Variants in SLC9A4 observed in about 807,000 individuals in gnomAD.
SLC9A4 encodes sodium/hydrogen exchanger 4.
In SLC9A4, 63 loss-of-function variants were observed where a neutral mutation model predicts 67.4. The ratio of observed to expected loss-of-function variants is 0.93; its 90% CI spans 0.76 to 1.15. SLC9A4 has a LOEUF of 1.15. Ranked by LOEUF, SLC9A4 falls within the 50% of genes most tolerant of loss-of-function variation. The pLI, the probability that SLC9A4 is intolerant of heterozygous loss-of-function variation, is 0.00. For synonymous variants in SLC9A4, 393 were observed against 367.2 expected, an observed-to-expected ratio of 1.07 and a Z score of -0.80; for missense variants, 1,089 against 987.7, an observed-to-expected ratio of 1.10 and a Z score of -1.38.
At chr2:102,488,190 AC>A (rs899050087) in intron 2 of SLC9A4, among the ~76,000 whole-genome samples, 1 of 151,566 alleles carries the variant, frequency 6.6e-6, no homozygotes, top group African/African-American at 2.4e-5. Flanking sequence ...CCCCAACAAC[AC>A]CCGTTCATGC....
At chr2:102,512,065 C>A in intron 6 of SLC9A4, 138 bp from the exon 7 acceptor site, 1 of 814,606 alleles carries the variant, frequency 1.2e-6, no homozygotes, top group Non-Finnish European at 2.0e-6. Flanking sequence ...TATTTTATTA[C>A]ATGAACACAG....
At chr2:102,507,005 G>T (rs748633854) in intron 4 of SLC9A4, among the ~76,000 whole-genome samples, 1 of 152,058 alleles carries the variant, frequency 6.6e-6, no homozygotes, top group African/African-American at 2.4e-5. Flanking sequence ...GTTCACACTC[G>T]CGAAGGCTTG....
intron 8 of SLC9A4, among the ~76,000 whole-genome samples, chr2:102,519,116 T>C (rs1685340178): frequency 6.6e-6 from 1 of 152,228 alleles, no homozygotes; most frequent in Non-Finnish European, 1.5e-5. Context: ...CAATTGTGCA[T>C]TGACTACTAA....
intron 1 of SLC9A4, among the ~76,000 whole-genome samples, chr2:102,474,301 C>T (rs1684282517): frequency 6.6e-6 from 1 of 152,132 alleles, no homozygotes; most frequent in Admixed American, 6.6e-5. Flanking sequence ...ATGCAAAACT[C>T]TCAAATTCTA....
chr2:102,500,050 C>T (rs1446687018), intron 2 of SLC9A4, among the ~76,000 whole-genome samples: 1 of 152,176 alleles, frequency 6.6e-6, no homozygotes, highest in Non-Finnish European at 1.5e-5. Flanking sequence ...CCTGGAACTG[C>T]AGGATAGGAT....
At chr2:102,488,850 A>G (rs533717618) in intron 2 of SLC9A4, among the ~76,000 whole-genome samples, 15 of 152,270 alleles carry the variant, frequency 9.9e-5, no homozygotes, top group African/African-American at 3.6e-4. Context: ...CCAGGCCTGA[A>G]ATCTAATTCC....
At chr2:102,513,634 T>A (rs1685213144) in intron 7 of SLC9A4, among the ~76,000 whole-genome samples, 2 of 152,254 alleles carry the variant, frequency 1.3e-5, no homozygotes, top group Non-Finnish European at 1.5e-5. Context: ...CTACTGTAAC[T>A]ACCGGGCCAT....
intron 2 of SLC9A4, among the ~76,000 whole-genome samples, chr2:102,488,191 C>T (rs1684626441): frequency 6.6e-6 from 1 of 152,168 alleles, no homozygotes; most frequent in Non-Finnish European, 1.5e-5. Flanking sequence ...CCCAACAACA[C>T]CCGTTCATGC....
intron 2 of SLC9A4, among the ~76,000 whole-genome samples, chr2:102,493,583 C>T (rs1012837969): frequency 6.6e-6 from 1 of 151,854 alleles, no homozygotes; most frequent in Non-Finnish European, 1.5e-5. Flanking sequence ...TACCTCCCAC[C>T]ATGTCACTCC....
intron 9 of SLC9A4, 38 bp downstream of exon 9, chr2:102,519,993 C>A: frequency 6.4e-7 from 1 of 1,567,158 alleles, no homozygotes; most frequent in South Asian, 1.1e-5. Flanking sequence ...CATTTTCTGT[C>A]CTTGAAAACA....
chr2:102,507,007 GA>G (rs1357959574), intron 4 of SLC9A4, among the ~76,000 whole-genome samples: 1 of 152,060 alleles, frequency 6.6e-6, no homozygotes, highest in African/African-American at 2.4e-5. Context: ...TCACACTCGC[GA>G]AGGCTTGCTA....
Position 102,489,001 on chromosome 2 carries a change from T to C in SLC9A4, c.720+9699T>C, listed in dbSNP as rs1487062667. Reference sequence around the variant, plus strand: ...GGGTCAGACACTGCTTGTTCCACTATGCCAGAGCAATCTCCCTCTCAGAAA... The same window carrying C: ...GGGTCAGACACTGCTTGTTCCACTACGCCAGAGCAATCTCCCTCTCAGAAA... On this transcript the variant is annotated intron_variant, in intron 2 of 11. Transcript: ENST00000295269. Among the ~76,000 whole-genome samples the C allele has an allele frequency of 4.6e-5, 7 of 152,344 alleles. No individual in the cohort carries two copies. The East Asian group carries it at 1.3e-3, about 29-fold the overall frequency.
At position 102,477,398 on chromosome 2, in the gene SLC9A4, T is replaced by C. The variant is rs890878070; in HGVS notation, c.257-1441T>C. Among the ~76,000 whole-genome samples the C allele has an allele frequency of 2.6e-5, 4 of 152,320 alleles. No homozygotes were observed. The East Asian group carries it at 7.7e-4, about 29-fold the overall frequency. ...TTCAATCTCTTGTCATGAAAAAGCT[T>C]CTCTGATAAACATTTAACTGTTCAT... is the stretch of plus-strand genomic sequence containing the variant. On this transcript the variant is annotated intron_variant, in intron 1 of 11. Transcript: ENST00000295269.
chr2:102,480,371 T>C (rs1684433344), intron 2 of SLC9A4, among the ~76,000 whole-genome samples: 3 of 151,456 alleles, frequency 2.0e-5, no homozygotes, highest in South Asian at 2.1e-4. Context: ...TTTTTTTTTT[T>C]CTTTTTTTTG....
chr2:102,492,131 C>T (rs951370963), intron 2 of SLC9A4, among the ~76,000 whole-genome samples: 2 of 152,238 alleles, frequency 1.3e-5, no homozygotes, highest in South Asian at 2.1e-4. Context: ...CCCCCACCTC[C>T]CCCACCACCC....
chr2:102,495,609 T>C (rs942461257), intron 2 of SLC9A4, among the ~76,000 whole-genome samples: 1 of 152,154 alleles, frequency 6.6e-6, no homozygotes, highest in Non-Finnish European at 1.5e-5. Context: ...TGACTTACTA[T>C]AATGCCACGA....
At chr2:102,502,202 C>T (rs1684956282) in intron 2 of SLC9A4, among the ~76,000 whole-genome samples, 1 of 152,150 alleles carries the variant, frequency 6.6e-6, no homozygotes, top group African/African-American at 2.4e-5. Flanking sequence ...TGTCTCATTA[C>T]CTGTACACCT....
At chr2:102,492,597 AG>A (rs1248562353) in intron 2 of SLC9A4, among the ~76,000 whole-genome samples, 1 of 142,630 alleles carries the variant, frequency 7.0e-6, no homozygotes, top group African/African-American at 2.6e-5. Context: ...TGCATAGAGC[AG>A]GGGGGCCCTG....
chr2:102,510,320 T>C (rs1427043182), intron 6 of SLC9A4, among the ~76,000 whole-genome samples: 1 of 152,060 alleles, frequency 6.6e-6, no homozygotes, highest in African/African-American at 2.4e-5. Flanking sequence ...GGAAGAGATT[T>C]GTTGTAAGGA....
Sources: allele counts gnomAD v4.1 joint callset (sites outside exome capture counted in the v4.1 genomes callset), GRCh38; gene constraint gnomAD v4.1.1; transcripts MANE v1.5; gene names NCBI Gene and HGNC (gene_info 2026-07-23, HGNC 2026-07-21).